The following SCAPER variants were observed in gnomAD, a reference collection of about 807,000 sequenced individuals.
The protein encoded by SCAPER is S-phase cyclin A associated protein in the ER, also known as S phase cyclin A-associated protein in the endoplasmic reticulum.
In SCAPER, 98 loss-of-function variants were observed where a neutral mutation model predicts 182.2. The ratio of observed to expected loss-of-function variants is 0.54; its 90% CI spans 0.46 to 0.64. The LOEUF (loss-of-function observed/expected upper bound fraction) is 0.64, where lower values mean the gene tolerates loss of function less well. Ranked by LOEUF, SCAPER falls within the 30% of genes least tolerant of loss-of-function variation. SCAPER has a pLI of 0.00. For synonymous variants in SCAPER, 605 were observed against 564.6 expected, an observed-to-expected ratio of 1.07 and a Z score of -1.01; for missense variants, 1,432 against 1,690.0, an observed-to-expected ratio of 0.85 and a Z score of 2.68.
At chr15:76,487,948 G>T (rs187027789) in intron 24 of SCAPER, among the ~76,000 whole-genome samples, 1 of 152,176 alleles carries the variant, frequency 6.6e-6, no homozygotes, top group African/African-American at 2.4e-5. Context: ...CTATAATCTG[G>T]TCCGAAGGAT....
At chr15:76,516,365 C>T (rs903618185) in intron 23 of SCAPER, among the ~76,000 whole-genome samples, 2 of 150,052 alleles carry the variant, frequency 1.3e-5, no homozygotes, top group African/African-American at 4.9e-5. Flanking sequence ...CCCCTAGCAC[C>T]ACCCCCCACC....
intron 24 of SCAPER, among the ~76,000 whole-genome samples, chr15:76,499,973 C>A (rs2040950410): frequency 6.6e-6 from 1 of 152,158 alleles, no homozygotes; most frequent in Non-Finnish European, 1.5e-5. Context: ...ACAATAACTA[C>A]AACAAAAAAC....
At chr15:76,864,492 A>G (rs1021443065) in intron 2 of SCAPER, among the ~76,000 whole-genome samples, 1 of 152,178 alleles carries the variant, frequency 6.6e-6, no homozygotes, top group African/African-American at 2.4e-5. Context: ...GGAGTATGTT[A>G]CTATTTGCCT....
At chr15:76,471,070 T>C in intron 25 of SCAPER, 142 bp downstream of exon 25, 1 of 790,136 alleles carries the variant, frequency 1.3e-6, no homozygotes, top group Non-Finnish European at 1.8e-6. Context: ...ATTCTCACAG[T>C]CATCTTCACT....
intron 25 of SCAPER, among the ~76,000 whole-genome samples, chr15:76,437,611 AT>A (rs1027225367): frequency 3.9e-5 from 6 of 152,160 alleles, no homozygotes; most frequent in Non-Finnish European, 8.8e-5. Context: ...TTCATCACAA[AT>A]TTTCATATTC....
intron 22 of SCAPER, among the ~76,000 whole-genome samples, chr15:76,604,246 T>C (rs1451122952): frequency 8.2e-6 from 1 of 121,348 alleles, no homozygotes; most frequent in East Asian, 2.2e-4. Context: ...TACATATGGC[T>C]AGCCAGTTTG....
chr15:76,831,420 G>A (rs1452585845), intron 5 of SCAPER, among the ~76,000 whole-genome samples: 1 of 151,442 alleles, frequency 6.6e-6, no homozygotes, highest in African/African-American at 2.4e-5. Context: ...TTTGTAGACA[G>A]GACCCTGCCG....
chr15:76,848,569 C>T (rs7165123), intron 4 of SCAPER, among the ~76,000 whole-genome samples: 14 of 140,224 alleles, frequency 1.0e-4, no homozygotes, highest in Admixed American at 9.3e-4. Flanking sequence ...CTCCTGACCT[C>T]GCGATCTGCC....
intron 6 of SCAPER, among the ~76,000 whole-genome samples, chr15:76,800,631 AT>A (rs1467069860): frequency 2.0e-5 from 3 of 152,184 alleles, no homozygotes; most frequent in Non-Finnish European, 4.4e-5. Flanking sequence ...CAAAAAGGTC[AT>A]GGGGTTACAG....
intron 15 of SCAPER, among the ~76,000 whole-genome samples, chr15:76,738,381 T>C (rs913218974): frequency 1.3e-5 from 2 of 152,154 alleles, no homozygotes; most frequent in African/African-American, 2.4e-5. Context: ...TCAATAAGCA[T>C]TATCATTTCC....
chr15:76,444,912 T>A (rs946097730), intron 25 of SCAPER, among the ~76,000 whole-genome samples: 1 of 152,246 alleles, frequency 6.6e-6, no homozygotes, highest in Non-Finnish European at 1.5e-5. Context: ...TGGAGCACAT[T>A]CATTGACTTT....
At chr15:76,798,026 C>G (rs1176349399) in intron 7 of SCAPER, among the ~76,000 whole-genome samples, 1 of 151,474 alleles carries the variant, frequency 6.6e-6, no homozygotes, top group East Asian at 1.9e-4. Context: ...ATTGGGCTTA[C>G]TAGACAAAGA....
intron 25 of SCAPER, among the ~76,000 whole-genome samples, chr15:76,442,110 T>C (rs1013741571): frequency 6.6e-6 from 1 of 152,102 alleles, no homozygotes; most frequent in African/African-American, 2.4e-5. Flanking sequence ...GGCAAAGGTG[T>C]AAAGTGAATT....
At chr15:76,467,392 C>G (rs1006971122) in intron 25 of SCAPER, among the ~76,000 whole-genome samples, 3 of 151,866 alleles carry the variant, frequency 2.0e-5, no homozygotes. Context: ...TGTCCACATG[C>G]CCCACTCTTC....
intron 28 of SCAPER, among the ~76,000 whole-genome samples, chr15:76,378,885 T>C (rs1202183728): frequency 6.6e-6 from 1 of 152,168 alleles, no homozygotes; most frequent in African/African-American, 2.4e-5. Context: ...AGGTGAATCT[T>C]GTCTTTGAGT....
At chr15:76,414,280 C>A (rs1255666194) in intron 26 of SCAPER, among the ~76,000 whole-genome samples, 1 of 151,968 alleles carries the variant, frequency 6.6e-6, no homozygotes, top group Non-Finnish European at 1.5e-5. Flanking sequence ...GCCATCTGTA[C>A]CCAAAGTTTT....
intron 24 of SCAPER, among the ~76,000 whole-genome samples, chr15:76,482,261 A>G (rs1025155629): frequency 2.0e-5 from 3 of 152,194 alleles, no homozygotes; most frequent in African/African-American, 7.2e-5. Context: ...GTATAGCTCC[A>G]CATAAATGTT....
chr15:76,857,034 C>G (rs2071443159), intron 4 of SCAPER, among the ~76,000 whole-genome samples: 1 of 152,090 alleles, frequency 6.6e-6, no homozygotes, highest in Admixed American at 6.5e-5. Context: ...AATATCTTTA[C>G]CATCCTACAA....
chr15:76,686,928 TCAAG>T (rs1356631068), intron 20 of SCAPER, among the ~76,000 whole-genome samples: 2 of 152,076 alleles, frequency 1.3e-5, no homozygotes, highest in Non-Finnish European at 2.9e-5. Flanking sequence ...AGAGGATCTA[TCAAG>T]CAACATTAAC....
Sources: gnomAD v4.1 joint callset for allele counts (sites outside exome capture counted in the v4.1 genomes callset) on GRCh38, gnomAD v4.1.1 for gene constraint, MANE v1.5 for transcripts, NCBI Gene and HGNC (gene_info 2026-07-23, HGNC 2026-07-21) for gene names.